Variants in ANKRD55 observed in about 807,000 individuals in gnomAD.
ANKRD55 encodes ankyrin repeat domain 55.
In ANKRD55, 41 loss-of-function variants were observed where a neutral mutation model predicts 60.6. That is an observed-to-expected ratio of 0.68 (90% confidence interval 0.53 to 0.88). The LOEUF (loss-of-function observed/expected upper bound fraction) is 0.88. Among genes scored for constraint, ANKRD55 ranks in the 40% least tolerant of loss-of-function variants. The pLI, the probability that ANKRD55 is intolerant of heterozygous loss-of-function variation, is 0.00. For synonymous variants in ANKRD55, 264 were observed against 290.3 expected (o/e 0.91, Z 0.92); for missense variants, 732 against 767.6 (o/e 0.95, Z 0.55).
chr5:56,202,555 GTTTC>G (rs527757824), intron 2 of ANKRD55, among the ~76,000 whole-genome samples: 3 of 152,158 alleles, frequency 2.0e-5, no homozygotes, highest in Non-Finnish European at 4.4e-5. Context: ...GAAGAAGAGA[GTTTC>G]TTTCTAACAT....
intron 6 of ANKRD55, among the ~76,000 whole-genome samples, chr5:56,158,213 G>C (rs1390058389): frequency 3.3e-5 from 5 of 152,128 alleles, no homozygotes; most frequent in African/African-American, 1.2e-4. Flanking sequence ...GGGGGCATCT[G>C]CCCCAGAAGA....
At chr5:56,192,504 G>A (rs1412572021) in intron 2 of ANKRD55, 2 of 278,330 alleles carry the variant, frequency 7.2e-6, no homozygotes, top group African/African-American at 4.6e-5. Flanking sequence ...CCCCAGGAGG[G>A]GCAAGAGGGA....
chr5:56,155,059 CCT>C (rs1324042672), intron 6 of ANKRD55, among the ~76,000 whole-genome samples: 9 of 151,920 alleles, frequency 5.9e-5, no homozygotes, highest in African/African-American at 1.9e-4. Flanking sequence ...TAGGAAGACC[CCT>C]GTCTCTACCA....
At chr5:56,222,292 T>G (rs1759986377) in intron 2 of ANKRD55, among the ~76,000 whole-genome samples, 1 of 152,094 alleles carries the variant, frequency 6.6e-6, no homozygotes, top group African/African-American at 2.4e-5. Flanking sequence ...GTCATGACTG[T>G]TAGAAGGAAA....
intron 5 of ANKRD55, among the ~76,000 whole-genome samples, chr5:56,169,421 G>A (rs1197050607): frequency 7.3e-6 from 1 of 137,216 alleles, no homozygotes. Context: ...ATTTTTGTGG[G>A]GTCATTCTTT....
At chr5:56,101,412 T>G (rs78758292) in intron 11 of ANKRD55, among the ~76,000 whole-genome samples, 4 of 102,448 alleles carry the variant, frequency 3.9e-5, no homozygotes, top group Admixed American at 1.9e-4. Flanking sequence ...GTGTGTGTGT[T>G]TGTCTGTGAT....
At chr5:56,185,220 C>G (rs1758941674) in intron 2 of ANKRD55, among the ~76,000 whole-genome samples, 1 of 150,996 alleles carries the variant, frequency 6.6e-6, no homozygotes, top group African/African-American at 2.4e-5. Context: ...GAGACTCTGT[C>G]TCAAAACAAA....
chr5:56,138,349 A>G (rs959406870), intron 7 of ANKRD55, among the ~76,000 whole-genome samples: 19 of 152,072 alleles, frequency 1.2e-4, no homozygotes, highest in African/African-American at 4.3e-4. Flanking sequence ...GCTGGTCTCA[A>G]ACTCCTGATC....
intron 2 of ANKRD55, among the ~76,000 whole-genome samples, chr5:56,187,897 C>A (rs1425423519): frequency 6.6e-6 from 1 of 152,178 alleles, no homozygotes; most frequent in East Asian, 1.9e-4. Flanking sequence ...ATCTTCGGAG[C>A]TCTAAGAACA....
Position 56,117,787 on chromosome 5 carries a change from T to TA in ANKRD55, c.798-1006dup, listed in dbSNP as rs543363039. 4.0e-4 allele frequency among the ~76,000 whole-genome samples: 60 copies of TA among 151,892 alleles called. No individual in the cohort carries two copies. In the South Asian group the frequency reaches 9.0e-3, roughly 23 times the overall value. On this transcript the variant is annotated intron_variant, in intron 8 of 11. Transcript: ENST00000341048. Reference sequence around the variant, plus strand: ...TTTTAAGTGATTTTTCTATAAAACTTAAAAAAAAATCACATTTAATTCCTT... The same window carrying TA: ...TTTTAAGTGATTTTTCTATAAAACTTAAAAAAAAAATCACATTTAATTCCTT...
At chr5:56,155,155 GT>G (rs757740033) in intron 6 of ANKRD55, among the ~76,000 whole-genome samples, 6 of 151,234 alleles carry the variant, frequency 4.0e-5, no homozygotes, top group Non-Finnish European at 8.8e-5. Context: ...GGCTGAGGCA[GT>G]AGGCTGCAGT....
intron 7 of ANKRD55, among the ~76,000 whole-genome samples, chr5:56,141,128 CAG>C (rs1491229987): frequency 2.2e-5 from 2 of 89,874 alleles, no homozygotes; most frequent in Non-Finnish European, 4.4e-5. Context: ...CATGCACACA[CAG>C]TTTTTTTTTT....
At chr5:56,173,600 A>ATATATATATATT (rs1266741639) in intron 4 of ANKRD55, among the ~76,000 whole-genome samples, 7 of 136,814 alleles carry the variant, frequency 5.1e-5, no homozygotes, top group African/African-American at 2.0e-4. Flanking sequence ...ATATATATAT[A>ATATATATATATT]TATATATCTT....
At chr5:56,194,583 T>C (rs1183870836) in intron 2 of ANKRD55, among the ~76,000 whole-genome samples, 1 of 152,172 alleles carries the variant, frequency 6.6e-6, no homozygotes, top group Non-Finnish European at 1.5e-5. Flanking sequence ...GACTATATTA[T>C]ATATTTGATT....
intron 4 of ANKRD55, among the ~76,000 whole-genome samples, chr5:56,172,676 C>G (rs1031095600): frequency 2.0e-5 from 3 of 151,994 alleles, no homozygotes; most frequent in Admixed American, 6.6e-5. Context: ...GAGTTTGATA[C>G]CTACTATGTG....
At chr5:56,183,680 A>T (rs757860534) in intron 2 of ANKRD55, 46 bp from the exon 3 acceptor site, 1 of 1,602,086 alleles carries the variant, frequency 6.2e-7, no homozygotes, top group Non-Finnish European at 8.5e-7. Context: ...GAGCCAGTTC[A>T]CTGAAAGAAT....
chr5:56,206,941 T>C (rs1329109795), intron 2 of ANKRD55, among the ~76,000 whole-genome samples: 5 of 152,154 alleles, frequency 3.3e-5, no homozygotes, highest in African/African-American at 1.2e-4. Context: ...CGGCTAGCAG[T>C]GCAAATCTTA....
chr5:56,206,916 G>T (rs368715477), intron 2 of ANKRD55, among the ~76,000 whole-genome samples: 1 of 152,194 alleles, frequency 6.6e-6, no homozygotes, highest in Non-Finnish European at 1.5e-5. Context: ...TGCCGGGGTG[G>T]CAGGGCTGGT....
intron 8 of ANKRD55, among the ~76,000 whole-genome samples, chr5:56,124,788 G>C (rs576456449): frequency 6.6e-6 from 1 of 152,310 alleles, no homozygotes; most frequent in African/African-American, 2.4e-5. Context: ...TTATAGATGT[G>C]AGCCACTGTG....
Sources: gnomAD v4.1 joint callset for allele counts (sites outside exome capture counted in the v4.1 genomes callset) on GRCh38, gnomAD v4.1.1 for gene constraint, MANE v1.5 for transcripts, NCBI Gene and HGNC (gene_info 2026-07-23, HGNC 2026-07-21) for gene names.